Variants in RCAN2 observed in about 807,000 individuals in gnomAD.
RCAN2 encodes calcipressin-2.
RCAN2 carries 9 observed loss-of-function variants against 23.6 expected under a neutral mutation model. The ratio of observed to expected loss-of-function variants is 0.38; its 90% CI spans 0.23 to 0.67. RCAN2 has a LOEUF of 0.67. RCAN2 is among the 30% of genes least tolerant of loss of function. The probability of loss-of-function intolerance (pLI) is 0.51; values close to 1 mark genes in which losing one functional copy is unlikely to be tolerated. For synonymous variants in RCAN2, 109 were observed against 115.7 expected, an observed-to-expected ratio of 0.94 and a Z score of 0.37; for missense variants, 273 against 302.3, an observed-to-expected ratio of 0.90 and a Z score of 0.72.
At chr6:46,227,733 A>G (rs191932359) in intron 4 of RCAN2, among the ~76,000 whole-genome samples, 1 of 152,286 alleles carries the variant, frequency 6.6e-6, no homozygotes, top group Admixed American at 6.5e-5. Flanking sequence ...TCAAAAAACC[A>G]GATCCCGGAT....
intron 2 of RCAN2, chr6:46,325,915 C>T (rs1763783089): frequency 1.0e-6 from 1 of 983,538 alleles, no homozygotes; most frequent in East Asian, 1.1e-4. Flanking sequence ...GAATCTGACA[C>T]CAGAGTTTCT....
At chr6:46,257,490 T>G (rs902290992) in intron 2 of RCAN2, among the ~76,000 whole-genome samples, 1 of 152,052 alleles carries the variant, frequency 6.6e-6, no homozygotes, top group African/African-American at 2.4e-5. Flanking sequence ...GCAGAAAACT[T>G]AACAATCGTG....
chr6:46,305,699 G>A (rs1212237427), intron 2 of RCAN2, among the ~76,000 whole-genome samples: 1 of 152,008 alleles, frequency 6.6e-6, no homozygotes, highest in Non-Finnish European at 1.5e-5. Flanking sequence ...CAATCGACCT[G>A]AGATTCTCTG....
Position 46,439,134 on chromosome 6 carries a change from A to G in RCAN2, c.225+17618T>C, listed in dbSNP as rs549727905. ...TTGGAGACAGGATTTTCCTCACACT[A>G]CAGAGCCCATTTCTTTGTTCCTAAG... On this transcript the variant is annotated intron_variant, in intron 2 of 4. Coordinates refer to ENST00000371374, the MANE Select transcript of RCAN2 (RefSeq NM_001251974.2). Among the ~76,000 whole-genome samples the G allele has an allele frequency of 2.0e-5, 3 of 152,332 alleles. No homozygotes were observed. The South Asian group carries it at 6.2e-4, about 32-fold the overall frequency.
intron 4 of RCAN2, among the ~76,000 whole-genome samples, chr6:46,238,397 A>G (rs1766182032): frequency 6.6e-6 from 1 of 151,490 alleles, no homozygotes; most frequent in Admixed American, 6.6e-5. Context: ...CTGGAAATGG[A>G]TTTTTTTTTG....
In RCAN2 at chr6:46,222,117, G is replaced by A; in HGVS notation, c.*1024C>T. Reference sequence around the variant, plus strand: ...ATGTTGGCTAATCATGTATATATTGGCATTAGATGTTTTGTGTCCTTTCAA... The same window carrying A: ...ATGTTGGCTAATCATGTATATATTGACATTAGATGTTTTGTGTCCTTTCAA... On this transcript the variant is annotated 3_prime_UTR_variant, in exon 5 of 5. Coordinates refer to ENST00000371374, the MANE Select transcript of RCAN2 (RefSeq NM_001251974.2). The A allele has an allele frequency of 2.5e-6, 1 of 396,796 alleles. No individual in the cohort carries two copies. Among genetic ancestry groups the A allele is most frequent in the East Asian group, 3.6e-5 (1 of 28,002 alleles). The allele number at this position is 396,796 out of a possible 1,614,324, so 24.6% of individuals were successfully genotyped here. A position where few individuals can be genotyped will look rare whatever the true frequency, so the allele number is the denominator to read the frequency against.
At chr6:46,225,634 G>A (rs1467028002) in intron 4 of RCAN2, among the ~76,000 whole-genome samples, 2 of 151,972 alleles carry the variant, frequency 1.3e-5, no homozygotes, top group Non-Finnish European at 2.9e-5. Flanking sequence ...GGGGTTGTTT[G>A]ATTTTTTTTC....
chr6:46,344,733 GA>G, intron 2 of RCAN2, among the ~76,000 whole-genome samples: 1 of 152,002 alleles, frequency 6.6e-6, no homozygotes, highest in Non-Finnish European at 1.5e-5. Flanking sequence ...AAGTTCACAA[GA>G]GGGATCAAAT....
chr6:46,340,326 G>T (rs938312190), intron 2 of RCAN2, among the ~76,000 whole-genome samples: 2 of 120,482 alleles, frequency 1.7e-5, no homozygotes, highest in African/African-American at 5.1e-5. Flanking sequence ...ATGTATTTAT[G>T]CATATAAGAG....
intron 2 of RCAN2, among the ~76,000 whole-genome samples, chr6:46,308,222 G>A (rs1005378906): frequency 3.9e-5 from 6 of 152,110 alleles, no homozygotes; most frequent in Non-Finnish European, 8.8e-5. Context: ...ATTATATATG[G>A]GAATGTGAAG....
At chr6:46,440,391 G>A (rs1258430232) in intron 2 of RCAN2, among the ~76,000 whole-genome samples, 5 of 149,112 alleles carry the variant, frequency 3.4e-5, no homozygotes, top group African/African-American at 4.9e-5. Flanking sequence ...TATGAGTCAC[G>A]GCAAAAAAAA....
At position 46,312,618 on chromosome 6, in the gene RCAN2, C is replaced by T. The variant is rs115846209; in HGVS notation, c.226-63722G>A. ...TAGTGCCAACAAATATGCCTGTCTC[C>T]CCAGAAACCTTACCCTTGTTGAATG... is the stretch of plus-strand genomic sequence containing the variant. On this transcript the variant is annotated intron_variant, in intron 2 of 4. Transcript: ENST00000371374. Among the ~76,000 whole-genome samples the T allele has an allele frequency of 8.6e-3, 1,303 of 152,286 alleles. 14 individuals carry two copies. The highest frequency in any genetic ancestry group is 0.014 in the Admixed American group (208 of 15,296).
intron 2 of RCAN2, among the ~76,000 whole-genome samples, chr6:46,323,979 G>A (rs1486051780): frequency 2.0e-5 from 3 of 152,206 alleles, no homozygotes; most frequent in Non-Finnish European, 4.4e-5. Flanking sequence ...AGGACAGAAG[G>A]GAGCTGTGAA....
At chr6:46,391,541 T>C (rs1477089509) in intron 2 of RCAN2, among the ~76,000 whole-genome samples, 1 of 152,124 alleles carries the variant, frequency 6.6e-6, no homozygotes, top group Non-Finnish European at 1.5e-5. Context: ...TACACTGCCA[T>C]TTGTTTTCTC....
At chr6:46,265,902 T>C (rs1162598223) in intron 2 of RCAN2, among the ~76,000 whole-genome samples, 11 of 152,168 alleles carry the variant, frequency 7.2e-5, no homozygotes, top group Non-Finnish European at 1.0e-4. Context: ...CATGAGCATA[T>C]GGAGAGTTGG....
chr6:46,358,336 C>T (rs775425671), intron 2 of RCAN2, among the ~76,000 whole-genome samples: 7 of 152,208 alleles, frequency 4.6e-5, no homozygotes, highest in Non-Finnish European at 2.9e-5. Context: ...TTCCCCAGGG[C>T]TTCCCTGGGA....
intron 2 of RCAN2, among the ~76,000 whole-genome samples, chr6:46,280,841 G>A (rs149621560): frequency 1.3e-5 from 2 of 152,122 alleles, no homozygotes; most frequent in African/African-American, 4.8e-5. Context: ...GAGGTATGTG[G>A]ACACACATGC....
intron 2 of RCAN2, among the ~76,000 whole-genome samples, chr6:46,262,484 A>G (rs773755264): frequency 1.0e-3 from 155 of 152,208 alleles, no homozygotes; most frequent in Admixed American, 2.4e-3. Context: ...GGCTGGATGC[A>G]GTAGCTCATG....
intron 2 of RCAN2, among the ~76,000 whole-genome samples, chr6:46,435,836 G>A (rs1767348112): frequency 1.3e-5 from 2 of 152,192 alleles, no homozygotes; most frequent in South Asian, 4.1e-4. Flanking sequence ...GCTTCACATG[G>A]AGGCATATGA....
Sources: gnomAD v4.1 joint callset for allele counts (sites outside exome capture counted in the v4.1 genomes callset) on GRCh38, gnomAD v4.1.1 for gene constraint, MANE v1.5 for transcripts, NCBI Gene and HGNC (gene_info 2026-07-23, HGNC 2026-07-21) for gene names.